Variants in ANO4 observed in about 807,000 individuals in gnomAD.
ANO4 encodes anoctamin-4.
In ANO4, 69 loss-of-function variants were observed where a neutral mutation model predicts 141.9. The ratio of observed to expected loss-of-function variants is 0.49; its 90% CI spans 0.40 to 0.59. The LOEUF (loss-of-function observed/expected upper bound fraction) is 0.59. ANO4 is among the 20% of genes least tolerant of loss of function. The pLI, the probability that ANO4 is intolerant of heterozygous loss-of-function variation, is 0.00. For synonymous variants in ANO4, 350 were observed against 394.3 expected, an observed-to-expected ratio of 0.89 and a Z score of 1.33; for missense variants, 894 against 1,162.2, an observed-to-expected ratio of 0.77 and a Z score of 3.36.
chr12:100,968,807 G>A (rs137981832), intron 5 of ANO4, among the ~76,000 whole-genome samples: 144 of 152,236 alleles, frequency 9.5e-4, no homozygotes, highest in African/African-American at 3.2e-3. Flanking sequence ...GCATCATTGC[G>A]TCCACAGGCA....
chr12:100,784,721 A>G (rs913142179), intron 3 of ANO4, among the ~76,000 whole-genome samples: 5 of 152,244 alleles, frequency 3.3e-5, no homozygotes, highest in African/African-American at 1.2e-4. Flanking sequence ...TTACTTTTTC[A>G]GTGGAATTCA....
intron 3 of ANO4, among the ~76,000 whole-genome samples, chr12:100,740,525 A>G (rs4764989): frequency 0.11 from 16,155 of 152,230 alleles, 1,138 homozygotes; most frequent in South Asian, 0.22. Context: ...ATATGGCTTT[A>G]ATTTATTGAA....
At chr12:101,081,304 T>A (rs1028587430) in intron 15 of ANO4, among the ~76,000 whole-genome samples, 3 of 152,178 alleles carry the variant, frequency 2.0e-5, no homozygotes, top group African/African-American at 7.2e-5. Flanking sequence ...CTTCTATCTG[T>A]AAAGTGTGGC....
intron 24 of ANO4, among the ~76,000 whole-genome samples, chr12:101,115,059 C>T (rs2050800903): frequency 6.6e-6 from 1 of 152,034 alleles, no homozygotes; most frequent in Non-Finnish European, 1.5e-5. Flanking sequence ...TAGTGTTCAG[C>T]AGCTTGGAAT....
At chr12:100,807,625 G>T (rs2035141266) in intron 1 of ANO4, among the ~76,000 whole-genome samples, 1 of 152,116 alleles carries the variant, frequency 6.6e-6, no homozygotes, top group Admixed American at 6.5e-5. Context: ...AGGTAAACGT[G>T]TGCCAGGGTG....
At chr12:101,012,860 G>C (rs1342121481) in intron 8 of ANO4, among the ~76,000 whole-genome samples, 1 of 152,148 alleles carries the variant, frequency 6.6e-6, no homozygotes, top group African/African-American at 2.4e-5. Flanking sequence ...GAGGAGCCCA[G>C]AGACCTTGAT....
intron 1 of ANO4, among the ~76,000 whole-genome samples, chr12:100,881,661 C>T (rs954194111): frequency 6.6e-6 from 1 of 152,182 alleles, no homozygotes; most frequent in Non-Finnish European, 1.5e-5. Flanking sequence ...CCTCAGTTTC[C>T]TCATCTGGAA....
At chr12:100,750,504 G>T (rs192154011) in intron 3 of ANO4, among the ~76,000 whole-genome samples, 4 of 151,894 alleles carry the variant, frequency 2.6e-5, no homozygotes, top group African/African-American at 7.2e-5. Flanking sequence ...ATGGAGCTTG[G>T]GATTCAGTAC....
intron 2 of ANO4, among the ~76,000 whole-genome samples, chr12:100,734,806 T>C (rs1229349064): frequency 1.3e-5 from 2 of 152,258 alleles, no homozygotes; most frequent in Non-Finnish European, 2.9e-5. Context: ...ATTTTTATTA[T>C]GAGGTTACTT....
At chr12:101,000,821 A>G (rs2136400092) in intron 8 of ANO4, among the ~76,000 whole-genome samples, 2 of 152,330 alleles carry the variant, frequency 1.3e-5, no homozygotes, top group East Asian at 3.9e-4. Context: ...GGGTATCTGG[A>G]GGCCCAGTAG....
chr12:101,105,296 T>C (rs1210366823), intron 22 of ANO4, among the ~76,000 whole-genome samples: 1 of 152,208 alleles, frequency 6.6e-6, no homozygotes, highest in African/African-American at 2.4e-5. Context: ...TCTTTCTTTA[T>C]GGTAGAAAAG....
intron 1 of ANO4, among the ~76,000 whole-genome samples, chr12:100,893,668 T>A (rs576907688): frequency 6.6e-6 from 1 of 152,278 alleles, no homozygotes; most frequent in East Asian, 1.9e-4. Flanking sequence ...CCAAAACCAA[T>A]GGAGCAGGGA....
intron 3 of ANO4, among the ~76,000 whole-genome samples, chr12:100,750,927 C>T (rs980596751): frequency 5.9e-5 from 9 of 151,906 alleles, no homozygotes; most frequent in East Asian, 1.9e-4. Context: ...AGTTGGGATC[C>T]GTATGTATGG....
At chr12:100,893,088 G>A (rs947735142) in intron 1 of ANO4, among the ~76,000 whole-genome samples, 1 of 152,182 alleles carries the variant, frequency 6.6e-6, no homozygotes, top group Non-Finnish European at 1.5e-5. Flanking sequence ...GAGTGCAGGG[G>A]AGGGACATGT....
intron 2 of ANO4, among the ~76,000 whole-genome samples, chr12:100,920,358 A>G (rs1451567592): frequency 1.3e-5 from 2 of 152,160 alleles, no homozygotes; most frequent in Non-Finnish European, 2.9e-5. Context: ...TTTCAAGATT[A>G]AAGCCTAAAT....
intron 14 of ANO4, among the ~76,000 whole-genome samples, chr12:101,074,302 C>A (rs2048939888): frequency 6.6e-6 from 1 of 152,194 alleles, no homozygotes; most frequent in Admixed American, 6.5e-5. Context: ...TACAAAAGAG[C>A]TGTTTCCCAT....
rs1426305189 is a variant in ANO4, at chr12:100,774,260, A to T, written c.358+34155A>T. Among the ~76,000 whole-genome samples, 6 of 152,230 alleles carry T rather than the reference A, an allele frequency of 3.9e-5. No homozygotes were observed. In the East Asian group the frequency reaches 9.6e-4, roughly 24 times the overall value. On this transcript the variant is annotated intron_variant, in intron 3 of 29. Coordinates refer to the ANO4 transcript ENST00000644049. ...AATAATTATAACATTCAAAAATATTAAACTCTATGGTCTATTTTAATGAAA... is the reference window on the plus strand; with the variant it reads ...AATAATTATAACATTCAAAAATATTTAACTCTATGGTCTATTTTAATGAAA...
chr12:101,120,716 G>T, intron 26 of ANO4, 91 bp downstream of exon 26: 1 of 984,572 alleles, frequency 1.0e-6, no homozygotes, highest in Non-Finnish European at 1.6e-6. Flanking sequence ...GATTTTGAAT[G>T]TGATTATCTA....
At chr12:101,110,904 G>A (rs2050638742) in intron 23 of ANO4, among the ~76,000 whole-genome samples, 1 of 152,176 alleles carries the variant, frequency 6.6e-6, no homozygotes, top group African/African-American at 2.4e-5. Context: ...TTTCCTAAAT[G>A]TTTGCCTGAT....
Sources: allele counts gnomAD v4.1 joint callset (sites outside exome capture counted in the v4.1 genomes callset), GRCh38; gene constraint gnomAD v4.1.1; transcripts MANE v1.5; gene names NCBI Gene and HGNC (gene_info 2026-07-23, HGNC 2026-07-21).